PLCD4: variants seen among roughly 807,000 people sequenced by gnomAD.
PLCD4 encodes phospholipase C delta 4.
In PLCD4, 63 loss-of-function variants were observed where a neutral mutation model predicts 90.2. The observed-to-expected ratio is 0.70, with a 90% CI of 0.57 to 0.86. The LOEUF (loss-of-function observed/expected upper bound fraction) is 0.86, where lower values mean the gene tolerates loss of function less well. PLCD4 is among the 40% of genes least tolerant of loss of function. PLCD4 has a pLI of 0.00. For missense variants in PLCD4, 830 were observed against 956.3 expected (o/e 0.87, Z 1.74); for synonymous variants, 294 against 356.5 (o/e 0.82, Z 1.97).
At chr2:218,635,761 C>T in intron 13 of PLCD4, 35 bp from the exon 14 acceptor site, 2 of 1,600,670 alleles carry the variant, frequency 1.2e-6, no homozygotes, top group East Asian at 2.3e-5. Context: ...CTGGGCTGAG[C>T]AGGAACTTGT....
chr2:218,613,392 C>CAAAAAAAAAAAAAAAAAAAAAACA (rs36096465), intron 1 of PLCD4, among the ~76,000 whole-genome samples: 1 of 76,822 alleles, frequency 1.3e-5, no homozygotes, highest in Non-Finnish European at 2.4e-5. Flanking sequence ...AGTCTGTCTC[C>CAAAAAAAAAAAAAAAAAAAAAACA]AAAAAAAAAA....
At chr2:218,610,834 T>C (rs778532129) in intron 1 of PLCD4, among the ~76,000 whole-genome samples, 6 of 151,960 alleles carry the variant, frequency 3.9e-5, no homozygotes, top group Non-Finnish European at 8.8e-5. Flanking sequence ...TTCAAGCAAT[T>C]CTCCTGCCTC....
intron 7 of PLCD4, 47 bp downstream of exon 7, chr2:218,628,277 T>A (rs1336632379): frequency 6.4e-7 from 1 of 1,570,700 alleles, no homozygotes; most frequent in Admixed American, 1.7e-5. Flanking sequence ...AGGGACCATG[T>A]AGAAAAGTGA....
At chr2:218,619,157 A>G (rs1695761743) in intron 4 of PLCD4, among the ~76,000 whole-genome samples, 1 of 152,126 alleles carries the variant, frequency 6.6e-6, no homozygotes, top group African/African-American at 2.4e-5. Context: ...GCTCAGTGAT[A>G]TAAACTCACT....
chr2:218,627,962 A>T lies in PLCD4; in HGVS notation c.773-67A>T, dbSNP rs1207361690. 4 of 1,407,050 alleles carry T rather than the reference A, an allele frequency of 2.8e-6. No homozygotes were observed. The South Asian group carries it at 5.2e-5, about 18-fold the overall frequency. 87.2% of individuals were successfully genotyped at this position (1,407,050 alleles called of 1,614,324 possible). ...CTGGATGGAGTGGGAGGAAGGATGG[A>T]CTGTAGGTGTGCTGGGATGCTCCCA... On this transcript the variant is annotated intron_variant, in intron 6 of 15. Transcript: ENST00000450993.
At chr2:218,608,909 C>T (rs1331098885) in intron 1 of PLCD4, among the ~76,000 whole-genome samples, 2 of 151,850 alleles carry the variant, frequency 1.3e-5, no homozygotes, top group African/African-American at 2.4e-5. Flanking sequence ...GAGGCCGAGG[C>T]GGGTGGATCA....
intron 3 of PLCD4, among the ~76,000 whole-genome samples, chr2:218,616,319 G>T (rs1019268459): frequency 1.3e-5 from 2 of 152,186 alleles, no homozygotes; most frequent in Non-Finnish European, 2.9e-5. Context: ...GTTACATCTT[G>T]TTGTTATTAT....
In PLCD4 at chr2:218,618,834, G is replaced by T; in HGVS notation, c.410+27G>T. 2 of 1,554,168 alleles carry T rather than the reference G, an allele frequency of 1.3e-6. 1 individual carries two copies. The highest frequency in any genetic ancestry group is 2.4e-5 in the South Asian group (2 of 84,766). ...TATCGGCAGGATGGAGTCAGGGTGG[G>T]GGTGAGGGATCACGCTATCCCTGAA... On this transcript the variant is annotated intron_variant, in intron 4 of 15. Coordinates refer to ENST00000450993, the MANE Select transcript of PLCD4 (RefSeq NM_032726.4).
intron 5 of PLCD4, among the ~76,000 whole-genome samples, chr2:218,621,862 G>A (rs951668450): frequency 6.6e-6 from 1 of 152,072 alleles, no homozygotes; most frequent in African/African-American, 2.4e-5. Context: ...GGTGGATCAC[G>A]AAGTCAGGAG....
chr2:218,616,869 A>AATGCATT (rs1695604841), intron 3 of PLCD4, among the ~76,000 whole-genome samples: 1 of 127,812 alleles, frequency 7.8e-6, no homozygotes, highest in Admixed American at 8.5e-5. Context: ...GTAAAACCAG[A>AATGCATT]ATGCATTTAA....
chr2:218,625,114 C>CAAA (rs11325307), intron 6 of PLCD4, among the ~76,000 whole-genome samples: 35 of 61,874 alleles, frequency 5.7e-4, no homozygotes, highest in East Asian at 1.1e-3. Flanking sequence ...GACTCTGTTT[C>CAAA]AAAAAAAAAA....
intron 6 of PLCD4, 55 bp from the exon 7 acceptor site, chr2:218,627,974 C>A: frequency 6.8e-7 from 1 of 1,481,228 alleles, no homozygotes; most frequent in Non-Finnish European, 9.3e-7. Flanking sequence ...TGTAGGTGTG[C>A]TGGGATGCTC....
chr2:218,629,706 T>G, intron 8 of PLCD4, 43 bp downstream of exon 8: 3 of 1,592,322 alleles, frequency 1.9e-6, no homozygotes, highest in Non-Finnish European at 2.6e-6. Context: ...CCAGAAGGTC[T>G]GAGGGAAGAA....
chr2:218,625,802 C>T (rs1338284779), intron 6 of PLCD4, among the ~76,000 whole-genome samples: 3 of 151,918 alleles, frequency 2.0e-5, no homozygotes, highest in East Asian at 1.9e-4. Context: ...GGTATGGTGG[C>T]GGGCACCTGT....
Position 218,616,082 on chromosome 2 carries a change from G to A in PLCD4, c.181+20G>A, listed in dbSNP as rs781727438. 3.7e-6 allele frequency: 6 copies of A among 1,610,036 alleles called. No individual in the cohort carries two copies. The highest frequency in any genetic ancestry group is 2.2e-5 in the South Asian group (2 of 90,874). ...CCAGCTGTGAGTGACCTGGATAGTG[G>A]GGGGTGGATACATGGGTGGATAGAG... On this transcript the variant is annotated intron_variant, in intron 3 of 15. Transcript: ENST00000450993.
At position 218,636,339 on chromosome 2, in the gene PLCD4, C is replaced by A. The variant is rs745832998; in HGVS notation, c.2129C>A (p.Ser710Tyr). The A allele has an allele frequency of 1.2e-6, 2 of 1,613,978 alleles. No individual in the cohort carries two copies. Among genetic ancestry groups the A allele is most frequent in the East Asian group, 4.5e-5 (2 of 44,880 alleles). Residue 710 changes from serine (S) to tyrosine (Y), a missense_variant, in exon 15 of 16, where the codon TCC becomes TAC. Ser to Tyr is a moderately radical substitution (Grantham distance 144, BLOSUM62 -2). Transcript: ENST00000450993. Reference protein sequence around the residue: ...RFVVMDYDWKSRNDFIGQYTL... With the variant: ...RFVVMDYDWKYRNDFIGQYTL... ...GTGGTAATGGATTATGACTGGAAAT[C>A]CCGAAATGACTTTATTGGTCAGTAC...
In PLCD4 at chr2:218,621,581, T is replaced by C. The variant is rs1695882659; in HGVS notation, c.522T>C (p.Tyr174=). The C allele has an allele frequency of 6.2e-7, 1 of 1,613,802 alleles. No homozygotes were observed. The highest frequency in any genetic ancestry group is 1.7e-5 in the Admixed American group (1 of 60,004). The part of the protein sequence containing the change: ...HLMNVEMDQE[Y]AFSLFQAADT... ...TGAATGTGGAAATGGACCAAGAATATGCCTTCAGTCTTTTTCAGGTGAGTC... is the reference window on the plus strand; with the variant it reads ...TGAATGTGGAAATGGACCAAGAATACGCCTTCAGTCTTTTTCAGGTGAGTC... Residue 174 remains tyrosine, a synonymous_variant, in exon 5 of 16, where the codon TAT becomes TAC. Coordinates refer to ENST00000450993, the MANE Select transcript of PLCD4 (RefSeq NM_032726.4).
chr2:218,622,224 G>A (rs1202500362), intron 5 of PLCD4: 1 of 156,372 alleles, frequency 6.4e-6, no homozygotes, highest in Non-Finnish European at 1.4e-5. Flanking sequence ...AACCCCAGCT[G>A]GAATGTGAGT....
Position 218,636,644 on chromosome 2 carries a change from T to G in PLCD4, c.*67T>G. The G allele has an allele frequency of 6.7e-7, 1 of 1,488,626 alleles. No homozygotes were observed. The highest frequency in any genetic ancestry group is 1.8e-4 in the Middle Eastern group (1 of 5,666). 92.2% of individuals were successfully genotyped at this position (1,488,626 alleles called of 1,614,324 possible). A position where few individuals can be genotyped will look rare whatever the true frequency, so the allele number is the denominator to read the frequency against. ...CGGGGAGAAACATCTGGAAGGATGC[T>G]CGAGAGAACAAATGGAGGTGGTGAA... On this transcript the variant is annotated 3_prime_UTR_variant, in exon 16 of 16. Coordinates refer to ENST00000450993, the MANE Select transcript of PLCD4 (RefSeq NM_032726.4).
Sources: gnomAD v4.1 joint callset for allele counts (sites outside exome capture counted in the v4.1 genomes callset) on GRCh38, gnomAD v4.1.1 for gene constraint, MANE v1.5 for transcripts, NCBI Gene and HGNC (gene_info 2026-07-23, HGNC 2026-07-21) for gene names.